The following SATB1 variants were observed in gnomAD, a reference collection of about 807,000 sequenced individuals.
SATB1 encodes DNA-binding protein SATB1.
SATB1 carries 11 observed loss-of-function variants against 86.9 expected under a neutral mutation model. That is an observed-to-expected ratio of 0.13 (90% CI 0.08 to 0.21). The LOEUF is 0.21. SATB1 is among the 10% of genes least tolerant of loss of function. The pLI, the probability that SATB1 is intolerant of heterozygous loss-of-function variation, is 1.00. For missense variants in SATB1, 551 were observed against 937.6 expected, an observed-to-expected ratio of 0.59 and a Z score of 5.39; for synonymous variants, 357 against 357.2, an observed-to-expected ratio of 1.00 and a Z score of 0.01.
At chr3:18,380,129 G>A (rs368407559) in intron 8 of SATB1, among the ~76,000 whole-genome samples, 1 of 152,146 alleles carries the variant, frequency 6.6e-6, no homozygotes, top group South Asian at 2.1e-4. Context: ...ACCCCATGGG[G>A]TCCCTTTTAA....
intron 8 of SATB1, among the ~76,000 whole-genome samples, chr3:18,383,833 A>G (rs1696183730): frequency 6.6e-6 from 1 of 152,156 alleles, no homozygotes; most frequent in African/African-American, 2.4e-5. Context: ...TAATACCTTA[A>G]GATTTCTTAA....
At position 18,348,986 on chromosome 3, in the gene SATB1, A is replaced by G; in HGVS notation, c.*184T>C. ...ACCTGGGGCTGCCAAGCAGTTTGTA[A>G]AACAGAGGAAAACATTTAGTGCAGT... On this transcript the variant is annotated 3_prime_UTR_variant, in exon 11 of 11. Transcript: ENST00000338745. The G allele has an allele frequency of 9.7e-7, 1 of 1,034,316 alleles. No individual in the cohort carries two copies. Among genetic ancestry groups the G allele is most frequent in the African/African-American group, 1.6e-5 (1 of 61,844 alleles). The allele number at this position is 1,034,316 out of a possible 1,614,324, so 64.1% of individuals were successfully genotyped here. A position where few individuals can be genotyped will look rare whatever the true frequency, so the allele number is the denominator to read the frequency against.
chr3:18,412,267 T>TC (rs1697889289), intron 5 of SATB1, among the ~76,000 whole-genome samples: 1 of 152,022 alleles, frequency 6.6e-6, no homozygotes, highest in South Asian at 2.1e-4. Context: ...GTTCTAAGAA[T>TC]CCAAGTCCAA....
chr3:18,413,961 T>G (rs571718064), intron 5 of SATB1, among the ~76,000 whole-genome samples: 53 of 152,198 alleles, frequency 3.5e-4, no homozygotes, highest in African/African-American at 1.2e-3. Flanking sequence ...AAGATTCCCT[T>G]CAAAGGTACC....
At chr3:18,417,772 G>T in intron 2 of SATB1, 1 of 656,602 alleles carries the variant, frequency 1.5e-6, no homozygotes, top group African/African-American at 1.8e-5. Context: ...AAGAGAGCAC[G>T]GTACCCATAA....
intron 5 of SATB1, among the ~76,000 whole-genome samples, chr3:18,401,048 T>C (rs1349864017): frequency 6.6e-6 from 1 of 152,192 alleles, no homozygotes; most frequent in Non-Finnish European, 1.5e-5. Flanking sequence ...CAGCTGCTCA[T>C]CCTTCAGGAT....
intron 9 of SATB1, among the ~76,000 whole-genome samples, chr3:18,360,731 C>G (rs967669665): frequency 1.3e-5 from 2 of 152,072 alleles, no homozygotes; most frequent in Admixed American, 6.6e-5. Flanking sequence ...ACAAGTGAAA[C>G]AGAATACATT....
In SATB1 at chr3:18,352,284, A is replaced by C. The variant is rs748978740; in HGVS notation, c.1576-89T>G. On this transcript the variant is annotated intron_variant, in intron 9 of 10. Transcript: ENST00000338745. This position sits in a 1 kb window ranked among gnomAD's most constrained non-coding sequence, Gnocchi z 4.1. ...GAGCTAAAAAGGAAAAACCCTATGA[A>C]TTAACTTTTTCATAAGCTCAGAACA... The C allele has an allele frequency of 5.6e-5, 65 of 1,164,966 alleles. No homozygotes were observed. The highest frequency in any genetic ancestry group is 7.6e-5 in the Non-Finnish European group (61 of 800,916). 72.2% of individuals were successfully genotyped at this position (1,164,966 alleles called of 1,614,324 possible).
At chr3:18,375,873 T>C (rs1297915505) in intron 9 of SATB1, among the ~76,000 whole-genome samples, 1 of 152,200 alleles carries the variant, frequency 6.6e-6, no homozygotes, top group African/African-American at 2.4e-5. Context: ...AAGTTGAGAA[T>C]AACTATCCAA....
Position 18,349,218 on chromosome 3 carries a change from CTCT to C in SATB1, c.2241_2243del (p.Glu748del), listed in dbSNP as rs769807718. On this transcript the variant is annotated inframe_deletion, in exon 11 of 11. Transcript: ENST00000338745. The surrounding 1 kb of genome is among the most constrained non-coding windows in gnomAD (Gnocchi z 5.5). ...TGTCTGTGTTTCCTTCCACTGACAG[CTCT>C]TCTTCTAGTTTCACTGAAAAAAGGG... 62 of 1,614,064 alleles carry C rather than the reference CTCT, an allele frequency of 3.8e-5. No individual in the cohort carries two copies. Among genetic ancestry groups the C allele is most frequent in the Middle Eastern group, 1.6e-4 (1 of 6,084 alleles).
chr3:18,408,002 T>C (rs1697634336), intron 5 of SATB1, among the ~76,000 whole-genome samples: 1 of 152,038 alleles, frequency 6.6e-6, no homozygotes, highest in Non-Finnish European at 1.5e-5. Context: ...TGAAGTACCA[T>C]GTCTTGTTAT....
Position 18,434,742 on chromosome 3 carries a change from ATC to A in SATB1, c.-25+2045_-25+2046del, listed in dbSNP as rs1012177165. On this transcript the variant is annotated intron_variant, in intron 2 of 3. Coordinates refer to the SATB1 transcript ENST00000414509. The stretch of plus-strand genomic sequence containing the variant: ...GATCATCTTTAAGATCACATAAAAA[ATC>A]TCTTTCTTCAATTAAAAAAATTAAG... 2.2e-3 allele frequency among the ~76,000 whole-genome samples: 340 copies of A among 152,184 alleles called. 9 individuals are homozygous for A. The highest frequency in any genetic ancestry group is 0.021 in the Admixed American group (323 of 15,286).
chr3:18,404,138 G>A (rs1697403623), intron 5 of SATB1, among the ~76,000 whole-genome samples: 3 of 152,192 alleles, frequency 2.0e-5, no homozygotes, highest in South Asian at 4.1e-4. Context: ...TGAATTTGTT[G>A]AAAATTAACA....
intron 5 of SATB1, among the ~76,000 whole-genome samples, chr3:18,408,184 T>C (rs1442526373): frequency 6.6e-6 from 1 of 151,958 alleles, no homozygotes; most frequent in Non-Finnish European, 1.5e-5. Flanking sequence ...GAGAGAAAGA[T>C]GATGACTAAA....
At chr3:18,393,982 CAACAACA>C (rs1054191289) in intron 7 of SATB1, among the ~76,000 whole-genome samples, 5 of 140,414 alleles carry the variant, frequency 3.6e-5, no homozygotes, top group African/African-American at 5.3e-5. Context: ...AAGGTGTTAA[CAACAACA>C]AACAACAACA....
At chr3:18,365,133 T>G (rs892299454) in intron 9 of SATB1, among the ~76,000 whole-genome samples, 11 of 152,278 alleles carry the variant, frequency 7.2e-5, no homozygotes, top group African/African-American at 2.6e-4. Context: ...AGCTTACAAT[T>G]TTTGGTTTAC....
intron 6 of SATB1, among the ~76,000 whole-genome samples, chr3:18,395,641 G>A (rs962819658): frequency 6.6e-6 from 1 of 152,206 alleles, no homozygotes; most frequent in Non-Finnish European, 1.5e-5. Flanking sequence ...CATACCCAGT[G>A]TTGCTAAGAT....
rs140768077 is a variant in SATB1, at chr3:18,415,207, G to C, written c.543C>G (p.Pro181=). 156 of 1,612,718 alleles carry C rather than the reference G, an allele frequency of 9.7e-5. No homozygotes were observed. The highest frequency in any genetic ancestry group is 1.3e-4 in the Non-Finnish European group (149 of 1,179,144). ...TCACTGTGGTGTGCGACCATTGTTC[G>C]GGAGGCAAGTCTTCTAGTTTGGGGC... The part of the protein sequence containing the change: ...HSCPKLEDLP[P]EQWSHTTVRN... The change falls in exon 5 of 11, where the codon CCC becomes CCG. Residue 181 remains proline, a synonymous_variant. Coordinates refer to ENST00000338745, the MANE Select transcript of SATB1 (RefSeq NM_002971.6).
At chr3:18,430,519 C>T (rs2125193929) in intron 2 of SATB1, among the ~76,000 whole-genome samples, 1 of 152,206 alleles carries the variant, frequency 6.6e-6, no homozygotes, top group Middle Eastern at 3.4e-3. Flanking sequence ...CATTCCCACC[C>T]TTACCCCTGT....
Sources: gnomAD v4.1 joint callset for allele counts (sites outside exome capture counted in the v4.1 genomes callset) on GRCh38, gnomAD v4.1.1 for gene constraint, Gnocchi (gnomAD v3.1) non-coding constraint, MANE v1.5 for transcripts, NCBI Gene and HGNC (gene_info 2026-07-23, HGNC 2026-07-21) for gene names.